The following SBF2 variants were observed in gnomAD, a reference collection of about 807,000 sequenced individuals.
SBF2 encodes the protein myotubularin-related protein 13.
A neutral mutation model predicts 225.2 loss-of-function variants in SBF2; 112 were observed. The observed-to-expected ratio is 0.50, with a 90% CI of 0.43 to 0.58. The LOEUF is 0.58. Among genes scored for constraint, SBF2 ranks in the 20% least tolerant of loss-of-function variants. The pLI is 0.00. For synonymous variants in SBF2, 763 were observed against 773.3 expected (o/e 0.99, Z 0.22); for missense variants, 1,996 against 2,206.2 (o/e 0.90, Z 1.91).
At chr11:9,891,668 T>C (rs1384726452) in intron 17 of SBF2, among the ~76,000 whole-genome samples, 1 of 152,228 alleles carries the variant, frequency 6.6e-6, no homozygotes, top group Non-Finnish European at 1.5e-5. Flanking sequence ...AATTTAAACC[T>C]GGCTGTTAAG....
At chr11:9,914,545 G>A (rs891859699) in intron 16 of SBF2, among the ~76,000 whole-genome samples, 17 of 152,076 alleles carry the variant, frequency 1.1e-4, no homozygotes, top group African/African-American at 3.6e-4. Flanking sequence ...ATGTCAAAAC[G>A]GACCAGATAC....
chr11:9,803,688 T>TAG (rs1289925988), intron 32 of SBF2, among the ~76,000 whole-genome samples: 1 of 152,166 alleles, frequency 6.6e-6, no homozygotes, highest in African/African-American at 2.4e-5. Context: ...ACATATTAAG[T>TAG]AGTCCATTTA....
At chr11:9,803,109 T>C (rs1283532335) in intron 32 of SBF2, among the ~76,000 whole-genome samples, 1 of 152,196 alleles carries the variant, frequency 6.6e-6, no homozygotes, top group African/African-American at 2.4e-5. Context: ...TTTTTACAGT[T>C]TGTGAAGCAT....
intron 16 of SBF2, among the ~76,000 whole-genome samples, chr11:9,955,105 T>A (rs1331407963): frequency 2.6e-5 from 4 of 152,030 alleles, no homozygotes; most frequent in Non-Finnish European, 1.5e-5. Flanking sequence ...AACTGAGGAC[T>A]TTTTTCAAAT....
In SBF2 at chr11:9,789,131, T is replaced by C. The variant is rs2133858414; in HGVS notation, c.4910A>G (p.Asp1637Gly). The stretch of plus-strand genomic sequence containing the variant: ...TACACTGAAAAGGCTGGTGAGAGCA[T>C]CAGGCTGAGTACAGCTGACATCATC... The part of the protein sequence containing the change: ...CYDDVSCTQP[D>G]ALTSLFSEIE... The change falls in exon 35 of 40, where the codon GAT becomes GGT. Residue 1637 changes from aspartate to glycine, a missense_variant. Physicochemically the swap from Asp to Gly is moderately conservative, Grantham distance 94. Transcript: ENST00000256190. 2 of 1,614,138 alleles carry C rather than the reference T, an allele frequency of 1.2e-6. No homozygotes were observed. Among genetic ancestry groups the C allele is most frequent in the Non-Finnish European group, 8.5e-7 (1 of 1,180,008 alleles).
intron 1 of SBF2, among the ~76,000 whole-genome samples, chr11:10,264,434 T>G (rs1290414014): frequency 2.0e-5 from 3 of 152,182 alleles, no homozygotes; most frequent in Non-Finnish European, 4.4e-5. Flanking sequence ...GCATCTAGGC[T>G]GCCATCCCAT....
At chr11:9,883,726 C>T (rs1860017592) in intron 17 of SBF2, among the ~76,000 whole-genome samples, 1 of 152,052 alleles carries the variant, frequency 6.6e-6, no homozygotes, top group African/African-American at 2.4e-5. Flanking sequence ...GGGTTCTTAA[C>T]ACAAGAAAGA....
At chr11:10,092,394 G>C (rs922223785) in intron 2 of SBF2, among the ~76,000 whole-genome samples, 1 of 152,050 alleles carries the variant, frequency 6.6e-6, no homozygotes, top group African/African-American at 2.4e-5. Context: ...GTAAATATAA[G>C]GCCGAAGTTG....
intron 19 of SBF2, among the ~76,000 whole-genome samples, chr11:9,855,945 G>C (rs944409336): frequency 6.6e-6 from 1 of 152,222 alleles, no homozygotes; most frequent in Non-Finnish European, 1.5e-5. Context: ...TGACAGAAGA[G>C]TGATAGGAAA....
At chr11:10,092,640 G>T (rs1951829189) in intron 2 of SBF2, among the ~76,000 whole-genome samples, 1 of 152,174 alleles carries the variant, frequency 6.6e-6, no homozygotes, top group Non-Finnish European at 1.5e-5. Context: ...AAGTCAATTT[G>T]CTATCTGTAC....
intron 1 of SBF2, among the ~76,000 whole-genome samples, chr11:10,273,201 A>C (rs879471077): frequency 6.6e-6 from 1 of 152,250 alleles, no homozygotes; most frequent in Non-Finnish European, 1.5e-5. Flanking sequence ...CTGTTTAATT[A>C]TTAGTAGAAA....
intron 1 of SBF2, among the ~76,000 whole-genome samples, chr11:10,203,304 C>T (rs991580701): frequency 6.6e-6 from 1 of 152,128 alleles, no homozygotes; most frequent in Non-Finnish European, 1.5e-5. Context: ...TGTTTTTGTT[C>T]CCAACAGCCA....
Position 9,789,199 on chromosome 11 carries a change from T to A in SBF2, c.4842A>T (p.Glu1614Asp), listed in dbSNP as rs370370797. 6.2e-7 allele frequency: 1 copy of A among 1,614,066 alleles called. No individual in the cohort carries two copies. The highest frequency in any genetic ancestry group is 8.5e-7 in the Non-Finnish European group (1 of 1,180,038). Reference sequence around the variant, plus strand: ...TTCTCCTCTGGCTCCGTGGCCCAGCTTCTCCAGCCAGGTCAGAGTCTTCGG... The same window carrying A: ...TTCTCCTCTGGCTCCGTGGCCCAGCATCTCCAGCCAGGTCAGAGTCTTCGG... Reference protein sequence around the residue: ...FPSEDSDLAGEAGPRSQRRTV... With the variant: ...FPSEDSDLAGDAGPRSQRRTV... Residue 1614 changes from glutamate (E) to aspartate (D), a missense_variant, in exon 35 of 40, where the codon GAA (glutamate) becomes GAT (aspartate). Transcript: ENST00000256190.
intron 16 of SBF2, chr11:9,957,011 T>G (rs557021506): frequency 8.5e-5 from 13 of 152,312 alleles, no homozygotes; most frequent in Admixed American, 7.8e-4. Flanking sequence ...AATCTAAACT[T>G]CTATTTTGTT....
At chr11:9,918,752 T>G (rs1302337993) in intron 16 of SBF2, among the ~76,000 whole-genome samples, 1 of 151,964 alleles carries the variant, frequency 6.6e-6, no homozygotes, top group Non-Finnish European at 1.5e-5. Flanking sequence ...CGTCTTTTTT[T>G]TTTTGAGACG....
At chr11:9,887,504 G>C (rs1370812673) in intron 17 of SBF2, among the ~76,000 whole-genome samples, 3 of 152,096 alleles carry the variant, frequency 2.0e-5, no homozygotes, top group African/African-American at 7.2e-5. Context: ...GAGAGGTTGT[G>C]CTGAAAGGGA....
At chr11:10,047,468 T>C (rs1273025962) in intron 2 of SBF2, among the ~76,000 whole-genome samples, 2 of 152,156 alleles carry the variant, frequency 1.3e-5, no homozygotes, top group African/African-American at 4.8e-5. Flanking sequence ...ACTACACAAA[T>C]ACCTTCAACT....
chr11:10,265,880 C>T (rs570022647), intron 1 of SBF2, among the ~76,000 whole-genome samples: 22 of 151,882 alleles, frequency 1.4e-4, no homozygotes, highest in African/African-American at 3.4e-4. Flanking sequence ...TGTGTGCGCG[C>T]GCGCATGTGT....
intron 1 of SBF2, among the ~76,000 whole-genome samples, chr11:10,275,471 T>C (rs971602802): frequency 6.6e-6 from 1 of 152,192 alleles, no homozygotes; most frequent in Non-Finnish European, 1.5e-5. Flanking sequence ...TATTTTAAGT[T>C]ATTTGTAGGA....
Sources: gnomAD v4.1 joint callset for allele counts (sites outside exome capture counted in the v4.1 genomes callset) on GRCh38, gnomAD v4.1.1 for gene constraint, MANE v1.5 for transcripts, NCBI Gene and HGNC (gene_info 2026-07-23, HGNC 2026-07-21) for gene names.